The following DNM3 variants were observed in gnomAD, a reference collection of about 807,000 sequenced individuals.
DNM3 encodes the protein dynamin-3.
Under a neutral mutation model 101.6 loss-of-function variants are expected in DNM3, and 47 were observed. The ratio of observed to expected loss-of-function variants is 0.46; its 90% CI spans 0.37 to 0.59. The LOEUF (loss-of-function observed/expected upper bound fraction) is 0.59. DNM3 is among the 20% of genes least tolerant of loss of function. The pLI is 0.00. For missense variants in DNM3, 849 were observed against 1,085.7 expected (o/e 0.78, Z 3.06); for synonymous variants, 385 against 387.9 (o/e 0.99, Z 0.09).
chr1:172,304,218 A>C (rs867678108), intron 15 of DNM3, among the ~76,000 whole-genome samples: 94 of 134,982 alleles, frequency 7.0e-4, no homozygotes, highest in African/African-American at 2.8e-3. Flanking sequence ...AAAAAAAAAA[A>C]AAAACAGGAG....
chr1:172,069,851 T>C (rs2052013929), intron 11 of DNM3, among the ~76,000 whole-genome samples: 1 of 152,128 alleles, frequency 6.6e-6, no homozygotes, highest in Non-Finnish European at 1.5e-5. Flanking sequence ...CAGGATTTTG[T>C]GATTCTCAGA....
intron 2 of DNM3, among the ~76,000 whole-genome samples, chr1:171,932,378 C>T (rs1026999373): frequency 6.6e-6 from 1 of 151,616 alleles, no homozygotes; most frequent in African/African-American, 2.4e-5. Context: ...CTCCTAGGCT[C>T]AAGTGATCTT....
intron 10 of DNM3, among the ~76,000 whole-genome samples, chr1:172,062,459 C>A (rs916783835): frequency 6.6e-6 from 1 of 152,126 alleles, no homozygotes; most frequent in Non-Finnish European, 1.5e-5. Context: ...CTTAGCATTT[C>A]ATAAATAACA....
intron 10 of DNM3, among the ~76,000 whole-genome samples, chr1:172,059,887 GA>G: frequency 1.1e-5 from 1 of 92,654 alleles, no homozygotes; most frequent in Non-Finnish European, 2.1e-5. Context: ...ATTCAGTTAG[GA>G]AAAGAGGAAG....
intron 2 of DNM3, among the ~76,000 whole-genome samples, chr1:171,950,022 C>T (rs538027568): frequency 6.6e-5 from 10 of 152,092 alleles, no homozygotes; most frequent in East Asian, 3.9e-4. Flanking sequence ...CATCAACAAG[C>T]GAATGGACAA....
intron 15 of DNM3, among the ~76,000 whole-genome samples, chr1:172,287,918 G>A (rs140195201): frequency 6.6e-6 from 1 of 151,854 alleles, no homozygotes; most frequent in Non-Finnish European, 1.5e-5. Flanking sequence ...CTAACTCCTG[G>A]GCTCAAGCCA....
At position 172,410,635 on chromosome 1, in the gene DNM3, G is replaced by T. The variant is rs2071150830; in HGVS notation, c.*2794G>T. 1 of 985,142 alleles carries T rather than the reference G, an allele frequency of 1.0e-6. No homozygotes were observed. Among genetic ancestry groups the T allele is most frequent in the African/African-American group, 1.7e-5 (1 of 57,220 alleles). 61.0% of individuals were successfully genotyped at this position (985,142 alleles called of 1,614,324 possible). ...TGCATTTCTAAAAAACATCTACCAA[G>T]GTTACTCGTCTGAATATTGCTTTTA... On this transcript the variant is annotated 3_prime_UTR_variant, in exon 21 of 21. Transcript: ENST00000627582.
intron 15 of DNM3, among the ~76,000 whole-genome samples, chr1:172,286,195 T>A (rs1296644147): frequency 3.3e-5 from 5 of 151,996 alleles, no homozygotes; most frequent in Non-Finnish European, 7.4e-5. Flanking sequence ...GGGCAGCAAT[T>A]TTTCCTGTCA....
chr1:172,373,913 GT>G lies in DNM3; in HGVS notation c.1894-5104del, dbSNP rs1201981783. On this transcript the variant is annotated intron_variant, in intron 17 of 20. Transcript: ENST00000627582. Reference sequence around the variant, plus strand: ...ATCATCTTCACAAAGTTATTTTTCTGTAAACTAAAGGTTTGCCTAAATTGAG... The same window carrying G: ...ATCATCTTCACAAAGTTATTTTTCTGAAACTAAAGGTTTGCCTAAATTGAG... 2.4e-4 allele frequency among the ~76,000 whole-genome samples: 37 copies of G among 152,118 alleles called. 1 individual carries two copies. Among genetic ancestry groups the G allele is most frequent in the Admixed American group, 2.4e-3 (36 of 15,252 alleles).
intron 15 of DNM3, among the ~76,000 whole-genome samples, chr1:172,269,221 AC>A (rs1380155940): frequency 1.3e-5 from 2 of 152,210 alleles, no homozygotes; most frequent in South Asian, 2.1e-4. Flanking sequence ...AAGTTCAAGA[AC>A]AAAAAGAAAT....
chr1:172,285,877 T>C (rs899155754), intron 15 of DNM3, among the ~76,000 whole-genome samples: 1 of 152,048 alleles, frequency 6.6e-6, no homozygotes, highest in Non-Finnish European at 1.5e-5. Context: ...AGTCCCAGGC[T>C]CTTAGAGCTC....
chr1:171,948,647 T>C (rs2042313969), intron 2 of DNM3, among the ~76,000 whole-genome samples: 1 of 152,170 alleles, frequency 6.6e-6, no homozygotes, highest in African/African-American at 2.4e-5. Context: ...AACTACTATG[T>C]GTTACTGGTT....
chr1:172,171,565 T>C (rs1183258254), intron 14 of DNM3, among the ~76,000 whole-genome samples: 1 of 151,762 alleles, frequency 6.6e-6, no homozygotes, highest in Non-Finnish European at 1.5e-5. Context: ...CTTGTCATTT[T>C]CCATTTAAAA....
At chr1:171,924,535 G>T (rs1392635548) in intron 2 of DNM3, among the ~76,000 whole-genome samples, 1 of 152,174 alleles carries the variant, frequency 6.6e-6, no homozygotes, top group Non-Finnish European at 1.5e-5. Context: ...TCACAAGGTG[G>T]CAGGAAGGAG....
intron 13 of DNM3, among the ~76,000 whole-genome samples, chr1:172,130,511 T>C (rs1332549175): frequency 1.3e-5 from 2 of 152,218 alleles, no homozygotes; most frequent in African/African-American, 4.8e-5. Flanking sequence ...ATGAAGATGC[T>C]ACATGTTTTG....
intron 14 of DNM3, among the ~76,000 whole-genome samples, chr1:172,212,859 G>C (rs542685537): frequency 3.9e-5 from 6 of 152,074 alleles, no homozygotes; most frequent in Non-Finnish European, 8.8e-5. Flanking sequence ...AGTGCTTTTT[G>C]ACTGATGTAC....
chr1:172,157,282 G>A (rs2058376711), intron 14 of DNM3, among the ~76,000 whole-genome samples: 1 of 152,018 alleles, frequency 6.6e-6, no homozygotes, highest in African/African-American at 2.4e-5. Flanking sequence ...GCACTCCTGT[G>A]AGAATCTAAT....
At chr1:172,083,086 G>A (rs941738918) in intron 12 of DNM3, among the ~76,000 whole-genome samples, 21 of 152,258 alleles carry the variant, frequency 1.4e-4, no homozygotes, top group African/African-American at 3.6e-4. Flanking sequence ...CAGGCATTTC[G>A]CACAGACTTG....
chr1:171,977,272 T>G (rs1422831803), intron 2 of DNM3, among the ~76,000 whole-genome samples: 1 of 152,236 alleles, frequency 6.6e-6, no homozygotes, highest in South Asian at 2.1e-4. Context: ...GGTCCCAGCC[T>G]TATTCTGGCC....
Sources: gnomAD v4.1 joint callset for allele counts (sites outside exome capture counted in the v4.1 genomes callset) on GRCh38, gnomAD v4.1.1 for gene constraint, MANE v1.5 for transcripts, NCBI Gene and HGNC (gene_info 2026-07-23, HGNC 2026-07-21) for gene names.